The following CDC14A variants were observed in gnomAD, a reference collection of about 807,000 sequenced individuals.
CDC14A encodes the protein dual specificity protein phosphatase CDC14A.
CDC14A carries 53 observed loss-of-function variants against 74.4 expected under a neutral mutation model. That is an observed-to-expected ratio of 0.71 (90% CI 0.57 to 0.89). The LOEUF is 0.89. Among genes scored for constraint, CDC14A ranks in the 40% least tolerant of loss-of-function variants. The probability of loss-of-function intolerance (pLI) is 0.00; values close to 1 mark genes in which losing one functional copy is unlikely to be tolerated. For synonymous variants in CDC14A, 247 were observed against 258.4 expected (o/e 0.96, Z 0.43); for missense variants, 646 against 713.7 (o/e 0.91, Z 1.08).
chr1:100,454,662 T>G (rs1666500657), intron 7 of CDC14A, among the ~76,000 whole-genome samples: 1 of 152,218 alleles, frequency 6.6e-6, no homozygotes. Context: ...ATGTTTTATT[T>G]GGTTTCACAG....
intron 4 of CDC14A, among the ~76,000 whole-genome samples, chr1:100,416,676 A>G (rs1395389093): frequency 1.3e-5 from 2 of 152,214 alleles, no homozygotes; most frequent in African/African-American, 4.8e-5. Context: ...AGATGGTGGA[A>G]AGGAAAAAAA....
intron 4 of CDC14A, among the ~76,000 whole-genome samples, chr1:100,399,169 T>C (rs1190324491): frequency 6.6e-6 from 1 of 152,072 alleles, no homozygotes; most frequent in Non-Finnish European, 1.5e-5. Flanking sequence ...ATTTATTAGG[T>C]GTGATTGCAG....
chr1:100,463,594 T>C (rs75107127), intron 9 of CDC14A, among the ~76,000 whole-genome samples: 57 of 152,326 alleles, frequency 3.7e-4, no homozygotes, highest in African/African-American at 1.3e-3. Context: ...GAAAGTTAGA[T>C]AAACAATGAA....
chr1:100,517,826 G>A (rs28364921), intron 15 of CDC14A, among the ~76,000 whole-genome samples: 26 of 152,276 alleles, frequency 1.7e-4, no homozygotes, highest in African/African-American at 6.0e-4. Flanking sequence ...TGCATTAGAA[G>A]CATGCCATTG....
At chr1:100,485,137 A>G (rs1669899881) in intron 11 of CDC14A, 1 of 985,350 alleles carries the variant, frequency 1.0e-6, no homozygotes. Context: ...AATTAGGATT[A>G]TGAGCATTTT....
At chr1:100,417,563 T>G (rs1394750172) in intron 4 of CDC14A, among the ~76,000 whole-genome samples, 1 of 152,204 alleles carries the variant, frequency 6.6e-6, no homozygotes, top group Admixed American at 6.5e-5. Context: ...GAGTATGCCT[T>G]GACTAAATAC....
At chr1:100,387,715 T>C (rs531618285) in intron 3 of CDC14A, among the ~76,000 whole-genome samples, 7 of 152,202 alleles carry the variant, frequency 4.6e-5, no homozygotes, top group Admixed American at 2.0e-4. Flanking sequence ...ATAATATTTA[T>C]AGCTATACAG....
At chr1:100,408,777 T>C (rs779726120) in intron 4 of CDC14A, among the ~76,000 whole-genome samples, 26 of 152,190 alleles carry the variant, frequency 1.7e-4, no homozygotes, top group Non-Finnish European at 3.4e-4. Context: ...CTACATGTGA[T>C]ATATAGTGAT....
chr1:100,349,379 G>A (rs1183984214), upstream of CDC14A, among the ~76,000 whole-genome samples: 1 of 152,132 alleles, frequency 6.6e-6, no homozygotes, highest in Non-Finnish European at 1.5e-5. Context: ...TTTATATCAA[G>A]TTTCGTGGTT....
At chr1:100,487,664 G>A (rs1461336946) in intron 11 of CDC14A, among the ~76,000 whole-genome samples, 1 of 152,204 alleles carries the variant, frequency 6.6e-6, no homozygotes, top group Non-Finnish European at 1.5e-5. Context: ...AATGTTGCAG[G>A]TCATAGTGAT....
intron 4 of CDC14A, among the ~76,000 whole-genome samples, chr1:100,412,720 A>G (rs1174639229): frequency 1.0e-5 from 1 of 99,818 alleles, no homozygotes; most frequent in Non-Finnish European, 1.7e-5. Flanking sequence ...ATATATATAT[A>G]TATTTTATAT....
chr1:100,409,022 G>C (rs192269519), intron 4 of CDC14A, among the ~76,000 whole-genome samples: 10 of 152,180 alleles, frequency 6.6e-5, no homozygotes, highest in African/African-American at 1.2e-4. Flanking sequence ...TCACACTGTT[G>C]ATAAAGACAT....
At position 100,499,536 on chromosome 1, in the gene CDC14A, G is replaced by A. The variant is rs1571350569; in HGVS notation, c.1755+274G>A. ...AGTAGTTTCTCTTAAAAGGGAAATA[G>A]CTTTCATTCTTTTGATTATGGGCAT... On this transcript the variant is annotated intron_variant, in intron 15 of 15. Transcript: ENST00000336454. 7.7e-6 allele frequency: 8 copies of A among 1,033,934 alleles called. No homozygotes were observed. The East Asian group carries it at 1.9e-4, about 25-fold the overall frequency. The allele number at this position is 1,033,934 out of a possible 1,614,324, so 64.0% of individuals were successfully genotyped here. A position where few individuals can be genotyped will look rare whatever the true frequency, so the allele number is the denominator to read the frequency against.
intron 4 of CDC14A, among the ~76,000 whole-genome samples, chr1:100,399,062 G>GT (rs1369296814): frequency 2.6e-5 from 4 of 152,024 alleles, no homozygotes; most frequent in African/African-American, 9.7e-5. Context: ...AGATAGGGGT[G>GT]TTTTTTTCCC....
chr1:100,396,151 G>C (rs1186395116), intron 4 of CDC14A, among the ~76,000 whole-genome samples: 1 of 152,304 alleles, frequency 6.6e-6, no homozygotes, highest in East Asian at 1.9e-4. Flanking sequence ...ATTTAACAAG[G>C]GGTTAGGCCG....
At chr1:100,383,234 C>T (rs1213015496) in intron 3 of CDC14A, among the ~76,000 whole-genome samples, 1 of 152,100 alleles carries the variant, frequency 6.6e-6, no homozygotes, top group African/African-American at 2.4e-5. Flanking sequence ...ATAGAGAATC[C>T]CACGTGCCTT....
At chr1:100,505,031 A>G (rs1649110762) in intron 15 of CDC14A, 3 of 1,171,328 alleles carry the variant, frequency 2.6e-6, no homozygotes, top group Non-Finnish European at 3.4e-6. Context: ...TTGTCTGTGT[A>G]TGTAAGAATT....
chr1:100,356,858 TAAAAAA>T (rs11448846), intron 2 of CDC14A, among the ~76,000 whole-genome samples: 3 of 70,792 alleles, frequency 4.2e-5, no homozygotes, highest in African/African-American at 1.2e-4. Flanking sequence ...AGACTCTGTC[TAAAAAA>T]AAAAAAAAAA....
At chr1:100,515,418 G>GT (rs752786502) in intron 15 of CDC14A, among the ~76,000 whole-genome samples, 1 of 139,384 alleles carries the variant, frequency 7.2e-6, no homozygotes, top group Non-Finnish European at 1.5e-5. Context: ...GAGTTTTGCT[G>GT]TGTCACCCAG....
Sources: allele counts gnomAD v4.1 joint callset (sites outside exome capture counted in the v4.1 genomes callset), GRCh38; gene constraint gnomAD v4.1.1; transcripts MANE v1.5; gene names NCBI Gene and HGNC (gene_info 2026-07-23, HGNC 2026-07-21).